The following COL18A1 variants were observed in gnomAD, a reference collection of about 807,000 sequenced individuals.
COL18A1 encodes the protein collagen alpha-1(XVIII) chain.
A neutral mutation model predicts 168.0 loss-of-function variants in COL18A1; 133 were observed. The observed-to-expected ratio is 0.79, with a 90% CI of 0.69 to 0.91. The LOEUF (loss-of-function observed/expected upper bound fraction) is 0.91. Ranked by LOEUF, COL18A1 falls within the 40% of genes least tolerant of loss-of-function variation. The pLI is 0.00. For synonymous variants in COL18A1, 949 were observed against 809.0 expected (o/e 1.17, Z -2.94); for missense variants, 2,126 against 1,925.4 (o/e 1.10, Z -1.95).
intron 32 of COL18A1, among the ~76,000 whole-genome samples, chr21:45,503,286 C>T (rs1602597638): frequency 1.3e-5 from 2 of 150,760 alleles, no homozygotes; most frequent in African/African-American, 2.4e-5. Flanking sequence ...GATGGTATCT[C>T]ATTGTGGTTT....
rs939814141 is a variant in COL18A1, at chr21:45,473,709, CT to C, written c.652-185del. ...CCACATGAAAGCGCCCAGGACGCCC[CT>C]GGGTCTCACCACTTCTTCCTACCAT... On this transcript the variant is annotated intron_variant, in intron 3 of 41. Coordinates refer to ENST00000651438, the MANE Select transcript of COL18A1 (RefSeq NM_001379500.1). This position sits in a 1 kb window ranked among gnomAD's most constrained non-coding sequence, Gnocchi z 4.0. Among the ~76,000 whole-genome samples, 3 of 152,152 alleles carry C rather than the reference CT, an allele frequency of 2.0e-5. No homozygotes were observed. Among genetic ancestry groups the C allele is most frequent in the African/African-American group, 7.2e-5 (3 of 41,440 alleles).
chr21:45,419,236 C>T (rs988583803), intron 2 of COL18A1, among the ~76,000 whole-genome samples: 37 of 151,920 alleles, frequency 2.4e-4, no homozygotes, highest in South Asian at 6.3e-4. Flanking sequence ...CGTGTAGTGA[C>T]GTGATGCCGT....
chr21:45,431,455 G>A (rs2033958385), intron 2 of COL18A1, among the ~76,000 whole-genome samples: 1 of 119,958 alleles, frequency 8.3e-6, no homozygotes, highest in Non-Finnish European at 1.7e-5. Flanking sequence ...CGGCCCAGGG[G>A]AGGGGGGCAG....
At chr21:45,488,862 C>A (rs990810165) in intron 18 of COL18A1, among the ~76,000 whole-genome samples, 4 of 152,088 alleles carry the variant, frequency 2.6e-5, no homozygotes, top group Non-Finnish European at 5.9e-5. Flanking sequence ...TCTGCTCCCC[C>A]CATCCCTGGG....
At chr21:45,493,474 A>G (rs1231812019) in intron 25 of COL18A1, 27 bp from the exon 26 acceptor site, 2 of 1,544,892 alleles carry the variant, frequency 1.3e-6, no homozygotes, top group Middle Eastern at 1.7e-4. Flanking sequence ...GCTGGCCCTG[A>G]CTCTGCTGGA....
intron 28 of COL18A1, 99 bp from the exon 29 acceptor site, chr21:45,495,259 C>A (rs748493034): frequency 8.8e-4 from 887 of 1,005,898 alleles, no homozygotes; most frequent in Admixed American, 1.2e-3. Context: ...GAGCGTGGGC[C>A]GGCCGGGCCT....
Position 45,504,644 on chromosome 21 carries a change from C to T in COL18A1, c.2868+88C>T, listed in dbSNP as rs537885602. On this transcript the variant is annotated intron_variant, in intron 34 of 41. Transcript: ENST00000651438. ...CAGGTCCAGCCCGGCCTTCGACACCCGCGAAGGCCGGAGCTGCCCCTGCAA... is the reference window on the plus strand; with the variant it reads ...CAGGTCCAGCCCGGCCTTCGACACCTGCGAAGGCCGGAGCTGCCCCTGCAA... 330 of 1,203,762 alleles carry T rather than the reference C, an allele frequency of 2.7e-4. 1 individual carries two copies. The highest frequency in any genetic ancestry group is 3.3e-4 in the East Asian group (13 of 39,126). The allele number at this position is 1,203,762 out of a possible 1,614,324, so 74.6% of individuals were successfully genotyped here.
chr21:45,501,321 C>G (rs181848771), intron 32 of COL18A1, among the ~76,000 whole-genome samples: 1 of 152,022 alleles, frequency 6.6e-6, no homozygotes, highest in African/African-American at 2.4e-5. Flanking sequence ...ACTTTCAGCC[C>G]AGGGAGATCT....
intron 2 of COL18A1, among the ~76,000 whole-genome samples, chr21:45,413,116 T>C (rs939221575): frequency 6.6e-6 from 1 of 152,200 alleles, no homozygotes; most frequent in Non-Finnish European, 1.5e-5. Flanking sequence ...CCTGAGGCTC[T>C]AGGGGGGACG....
chr21:45,489,515 G>A lies in COL18A1; in HGVS notation c.1953G>A (p.Gly651=), dbSNP rs1325934015. ...KGDPGVPGLP[G]AKGEVGADGV... is the part of the protein sequence containing the mutation. ...ATCCTGGCGTGCCTGGGCTGCCGGG[G>A]GCGAAGGTAAGCGCTGTGCCCGGGT... is the stretch of plus-strand genomic sequence containing the variant. Residue 651 remains glycine, a synonymous_variant, in exon 19 of 42, where the codon GGG becomes GGA. Transcript: ENST00000651438. 1.2e-6 allele frequency: 2 copies of A among 1,602,056 alleles called. No homozygotes were observed. Among genetic ancestry groups the A allele is most frequent in the Non-Finnish European group, 1.7e-6 (2 of 1,174,214 alleles).
intron 15 of COL18A1, among the ~76,000 whole-genome samples, chr21:45,483,137 G>A (rs76550525): frequency 0.023 from 3,490 of 152,372 alleles, 58 homozygotes; most frequent in Middle Eastern, 0.058. Context: ...TGGCAAGCGC[G>A]ATAAAGCAGC....
intron 2 of COL18A1, 64 bp from the exon 3 acceptor site, chr21:45,468,178 C>A: frequency 6.3e-7 from 1 of 1,577,380 alleles, no homozygotes; most frequent in Non-Finnish European, 8.7e-7. Context: ...CCTCTCCAGG[C>A]CGCGTCGGTG....
chr21:45,505,919 C>T lies in COL18A1; in HGVS notation c.3169C>T (p.Gln1057Ter). Residue 1057 changes from glutamine to a stop codon, truncating the protein, a stop_gained, in exon 37 of 42, where the codon CAG (glutamine) becomes TAG (stop). Transcript: ENST00000651438. LOFTEE classifies it high-confidence loss of function. Reference sequence around the variant, plus strand: ...GGGCTGGCTCATCTTCGTGGCCGAGCAGGAGGAGCTCTACGTCCGCGTGCA... The same window carrying T: ...GGGCTGGCTCATCTTCGTGGCCGAGTAGGAGGAGCTCTACGTCCGCGTGCA... ...PEGWLIFVAE[Q>*]EELYVRVQNG... is the part of the protein sequence containing the mutation. The T allele has an allele frequency of 6.2e-7, 1 of 1,613,136 alleles. No individual in the cohort carries two copies. The highest frequency in any genetic ancestry group is 8.5e-7 in the Non-Finnish European group (1 of 1,179,980).
chr21:45,441,273 C>T (rs1465396999), intron 2 of COL18A1, among the ~76,000 whole-genome samples: 1 of 152,212 alleles, frequency 6.6e-6, no homozygotes, highest in African/African-American at 2.4e-5. Flanking sequence ...ACCTGCTGCC[C>T]TTCAGGGTTC....
rs2035828322 is a variant in COL18A1, at chr21:45,479,780, A to G, written c.1249-122A>G. On this transcript the variant is annotated intron_variant, in intron 9 of 41. Coordinates refer to ENST00000651438, the MANE Select transcript of COL18A1 (RefSeq NM_001379500.1). ...GGCGCCCTCGTACTTTCCGGGCCCC[A>G]GAGACTCCCCTGAAGGGCTCAGCTC... 1.3e-5 allele frequency: 18 copies of G among 1,417,906 alleles called. No homozygotes were observed. In the South Asian group the frequency reaches 1.9e-4, roughly 15 times the overall value. 87.8% of individuals were successfully genotyped at this position (1,417,906 alleles called of 1,614,324 possible).
In COL18A1 at chr21:45,498,577, G is replaced by A. The variant is rs1172451087; in HGVS notation, c.2683+916G>A. On this transcript the variant is annotated intron_variant, in intron 32 of 41. Coordinates refer to ENST00000651438, the MANE Select transcript of COL18A1 (RefSeq NM_001379500.1). The surrounding 1 kb of genome is among the most constrained non-coding windows in gnomAD (Gnocchi z 4.5). ...TCTGGGGTGGGAAGGGACCAGGCAG[G>A]CAGAGGCCGAGTCTGGGCCGGGACA... The A allele has an allele frequency of 4.2e-6, 3 of 716,406 alleles. No individual in the cohort carries two copies. The highest frequency in any genetic ancestry group is 2.6e-6 in the Non-Finnish European group (1 of 384,600). The allele number at this position is 716,406 out of a possible 1,614,324, so 44.4% of individuals were successfully genotyped here.
intron 24 of COL18A1, 35 bp downstream of exon 24, chr21:45,492,748 GGCTGGGGAGGGGTCT>G (rs748778607): frequency 5.6e-5 from 85 of 1,530,222 alleles, no homozygotes; most frequent in Middle Eastern, 4.4e-4. Flanking sequence ...CATGCTGCCC[GGCTGGGGAGGGGTCT>G]CCACCTGGTA....
At position 45,405,363 on chromosome 21, in the gene COL18A1, T is replaced by C. The variant is rs1450557934; in HGVS notation, c.12-16T>C. On this transcript the variant is annotated splice_polypyrimidine_tract_variant and intron_variant, in intron 1 of 41. Transcript: ENST00000651438. ...CGGGGGTCCTGCGGGGTCTGACCCGTGCCTGTCCCGCGCAGGTGCCCCTGG... is the reference window on the plus strand; with the variant it reads ...CGGGGGTCCTGCGGGGTCTGACCCGCGCCTGTCCCGCGCAGGTGCCCCTGG... The C allele has an allele frequency of 3.8e-6, 4 of 1,059,764 alleles. No individual in the cohort carries two copies. The highest frequency in any genetic ancestry group is 4.5e-6 in the Non-Finnish European group (4 of 893,894). The allele number at this position is 1,059,764 out of a possible 1,614,324, so 65.6% of individuals were successfully genotyped here. A position where few individuals can be genotyped will look rare whatever the true frequency, so the allele number is the denominator to read the frequency against.
intron 2 of COL18A1, chr21:45,421,177 C>T (rs1034721745): frequency 8.6e-6 from 3 of 350,360 alleles, no homozygotes; most frequent in Non-Finnish European, 1.7e-5. Context: ...GACAGACAGG[C>T]ACTCTAGAGA....
Sources: gnomAD v4.1 joint callset for allele counts (sites outside exome capture counted in the v4.1 genomes callset) on GRCh38, gnomAD v4.1.1 for gene constraint, Gnocchi (gnomAD v3.1) non-coding constraint, MANE v1.5 for transcripts, NCBI Gene and HGNC (gene_info 2026-07-23, HGNC 2026-07-21) for gene names.